DLGAP1: variants seen among roughly 807,000 people sequenced by gnomAD.
The protein encoded by DLGAP1 is disks large-associated protein 1.
DLGAP1 carries 11 observed loss-of-function variants against 90.8 expected under a neutral mutation model. That is an observed-to-expected ratio of 0.12 (90% CI 0.08 to 0.20). The LOEUF (loss-of-function observed/expected upper bound fraction) is 0.20, where lower values mean the gene tolerates loss of function less well. DLGAP1 is among the 10% of genes least tolerant of loss of function. DLGAP1 has a pLI of 1.00. For synonymous variants in DLGAP1, 558 were observed against 540.7 expected (o/e 1.03, Z -0.44); for missense variants, 1,050 against 1,333.8 (o/e 0.79, Z 3.31).
chr18:3,812,061 AC>A (rs1488442659), intron 5 of DLGAP1, among the ~76,000 whole-genome samples: 1 of 152,202 alleles, frequency 6.6e-6, no homozygotes, highest in Non-Finnish European at 1.5e-5. Context: ...CTAACGGGAT[AC>A]TTAGGAGGTG....
chr18:3,521,484 G>A (rs374067407), intron 10 of DLGAP1, among the ~76,000 whole-genome samples: 1 of 152,134 alleles, frequency 6.6e-6, no homozygotes, highest in African/African-American at 2.4e-5. Flanking sequence ...TTTCTCTCCT[G>A]AGTGTCTTCT....
At position 3,772,339 on chromosome 18, in the gene DLGAP1, T is replaced by G. The variant is rs1478805565; in HGVS notation, c.1173-29827A>C. Among the ~76,000 whole-genome samples, 502 of 51,930 alleles carry G rather than the reference T, an allele frequency of 9.7e-3. 27 individuals carry two copies. Among genetic ancestry groups the G allele is most frequent in the Non-Finnish European group, 0.013 (340 of 26,374 alleles). The allele number at this position is 51,930 out of a possible 152,430, so 34.1% of individuals were successfully genotyped here. ...CTTCCTTCCTTTCTCTCCTTCTCTC[T>G]CTCTCTCTCTTTCTTTCTTTCTTTC... is the stretch of plus-strand genomic sequence containing the variant. On this transcript the variant is annotated intron_variant, in intron 5 of 12. Coordinates refer to ENST00000315677, the MANE Select transcript of DLGAP1 (RefSeq NM_004746.4).
chr18:3,839,432 T>C (rs1320055819), intron 4 of DLGAP1, among the ~76,000 whole-genome samples: 1 of 152,136 alleles, frequency 6.6e-6, no homozygotes, highest in Non-Finnish European at 1.5e-5. Flanking sequence ...CACGTAGGCA[T>C]TGGTAGCATG....
chr18:4,375,998 C>T (rs1309318770), intron 1 of DLGAP1, among the ~76,000 whole-genome samples: 1 of 152,010 alleles, frequency 6.6e-6, no homozygotes, highest in African/African-American at 2.4e-5. Context: ...TTATAATGCA[C>T]CTCTATTTGA....
At chr18:3,637,624 A>G (rs2058765403) in intron 7 of DLGAP1, among the ~76,000 whole-genome samples, 2 of 151,314 alleles carry the variant, frequency 1.3e-5, no homozygotes, top group East Asian at 3.9e-4. Context: ...GCATGCACCT[A>G]TAGTCCCAGC....
chr18:3,722,621 G>C (rs936255702), intron 7 of DLGAP1: 23 of 152,164 alleles, frequency 1.5e-4, no homozygotes, highest in Admixed American at 1.4e-3. Flanking sequence ...CAAGGAACCA[G>C]TCCAGGCAAT....
intron 1 of DLGAP1, among the ~76,000 whole-genome samples, chr18:4,318,812 C>A (rs2080598815): frequency 6.6e-6 from 1 of 152,110 alleles, no homozygotes; most frequent in Non-Finnish European, 1.5e-5. Flanking sequence ...ATATGTTTAT[C>A]ATTATTAATA....
chr18:4,190,907 A>G (rs1220203867), intron 1 of DLGAP1, among the ~76,000 whole-genome samples: 1 of 152,126 alleles, frequency 6.6e-6, no homozygotes, highest in African/African-American at 2.4e-5. Context: ...TTCAAGTTTG[A>G]AAAGTTATTT....
At chr18:4,099,282 A>G (rs2075734458) in intron 2 of DLGAP1, among the ~76,000 whole-genome samples, 3 of 151,290 alleles carry the variant, frequency 2.0e-5, no homozygotes, top group Non-Finnish European at 2.9e-5. Context: ...CTATCTATCT[A>G]TCTATCTGTC....
intron 1 of DLGAP1, among the ~76,000 whole-genome samples, chr18:4,180,255 A>G (rs2077184032): frequency 6.6e-6 from 1 of 152,216 alleles, no homozygotes; most frequent in South Asian, 2.1e-4. Context: ...CACTCCTGAC[A>G]CTAGTGTTTG....
At chr18:3,628,333 C>T (rs1028952858) in intron 7 of DLGAP1, among the ~76,000 whole-genome samples, 1 of 151,588 alleles carries the variant, frequency 6.6e-6, no homozygotes, top group African/African-American at 2.4e-5. Flanking sequence ...GGGATTATAG[C>T]CATGTGCCAT....
intron 1 of DLGAP1, among the ~76,000 whole-genome samples, chr18:4,448,383 C>T (rs943936019): frequency 3.8e-4 from 58 of 152,234 alleles, no homozygotes; most frequent in Non-Finnish European, 2.4e-4. Flanking sequence ...GGAGATGTTA[C>T]AAATATTTTT....
intron 1 of DLGAP1, among the ~76,000 whole-genome samples, chr18:4,380,387 G>A (rs2144305606): frequency 6.6e-6 from 1 of 152,270 alleles, no homozygotes; most frequent in African/African-American, 2.4e-5. Flanking sequence ...GCCCTTGACT[G>A]CAGAATGTAA....
At chr18:3,942,597 C>A (rs1291896488) in intron 3 of DLGAP1, among the ~76,000 whole-genome samples, 1 of 152,200 alleles carries the variant, frequency 6.6e-6, no homozygotes, top group African/African-American at 2.4e-5. Flanking sequence ...GGTCTCCCAT[C>A]CGTCCAAATA....
At chr18:4,396,846 C>A (rs141031918) in intron 1 of DLGAP1, among the ~76,000 whole-genome samples, 2 of 152,156 alleles carry the variant, frequency 1.3e-5, no homozygotes, top group Non-Finnish European at 2.9e-5. Flanking sequence ...GTTTTGCTGA[C>A]GGTTTCCCAA....
At chr18:4,446,970 T>C (rs1053667241) in intron 1 of DLGAP1, among the ~76,000 whole-genome samples, 2 of 152,194 alleles carry the variant, frequency 1.3e-5, no homozygotes, top group African/African-American at 4.8e-5. Context: ...AAATTAAAAC[T>C]ACAATGAGAT....
rs1030227435 is a variant in DLGAP1 at position 3,740,169 on chromosome 18, T to C, written c.1350+2166A>G. Among the ~76,000 whole-genome samples, 3 of 152,218 alleles carry C rather than the reference T, an allele frequency of 2.0e-5. No homozygotes were observed. In the East Asian group the frequency reaches 5.8e-4, roughly 29 times the overall value. On this transcript the variant is annotated intron_variant, in intron 6 of 12. Transcript: ENST00000315677. The stretch of plus-strand genomic sequence containing the variant: ...TAAATCCACTGATGTATTCTGCATG[T>C]ATGACCCCTAGGTTTGTAGACCATT...
chr18:4,014,244 C>T (rs2074482336), intron 2 of DLGAP1, among the ~76,000 whole-genome samples: 1 of 152,166 alleles, frequency 6.6e-6, no homozygotes, highest in East Asian at 1.9e-4. Context: ...CACCACCACA[C>T]CCAGCTAATT....
intron 7 of DLGAP1, among the ~76,000 whole-genome samples, chr18:3,700,668 G>T (rs530645366): frequency 6.6e-6 from 1 of 150,890 alleles, no homozygotes; most frequent in African/African-American, 2.4e-5. Flanking sequence ...GGAGTGCAGT[G>T]GTGTGATCTC....
Sources: gnomAD v4.1 joint callset for allele counts (sites outside exome capture counted in the v4.1 genomes callset) on GRCh38, gnomAD v4.1.1 for gene constraint, MANE v1.5 for transcripts, NCBI Gene and HGNC (gene_info 2026-07-23, HGNC 2026-07-21) for gene names.